The following CHD6 variants were observed in gnomAD, a reference collection of about 807,000 sequenced individuals.
CHD6 encodes chromodomain helicase DNA binding protein 6.
CHD6 carries 50 observed loss-of-function variants against 276.9 expected under a neutral mutation model. The observed-to-expected ratio is 0.18, with a 90% CI of 0.14 to 0.23. CHD6 has a LOEUF of 0.23. Among genes scored for constraint, CHD6 ranks in the 10% least tolerant of loss-of-function variants. The pLI is 1.00. For synonymous variants in CHD6, 1,173 were observed against 1,229.3 expected (o/e 0.95, Z 0.96); for missense variants, 2,564 against 3,365.8 (o/e 0.76, Z 5.89).
At chr20:41,445,031 T>C (rs1321625104) in intron 25 of CHD6, among the ~76,000 whole-genome samples, 1 of 152,218 alleles carries the variant, frequency 6.6e-6, no homozygotes, top group East Asian at 1.9e-4. Context: ...TCATTCATTT[T>C]AATGGCTGGC....
chr20:41,483,926 T>C (rs1021001450), intron 15 of CHD6, among the ~76,000 whole-genome samples: 1 of 152,224 alleles, frequency 6.6e-6, no homozygotes, highest in African/African-American at 2.4e-5. Flanking sequence ...CCCAACATTT[T>C]CTCTAACTAG....
chr20:41,422,868 G>C (rs1284248168), intron 30 of CHD6, among the ~76,000 whole-genome samples: 1 of 152,186 alleles, frequency 6.6e-6, no homozygotes, highest in Non-Finnish European at 1.5e-5. Context: ...GGTATGTCTT[G>C]TGCGTGCTGC....
At chr20:41,579,799 T>A (rs1180490576) in intron 1 of CHD6, among the ~76,000 whole-genome samples, 1 of 152,230 alleles carries the variant, frequency 6.6e-6, no homozygotes, top group Admixed American at 6.5e-5. Context: ...TTTTTAAACA[T>A]GATATATATA....
At position 41,497,440 on chromosome 20, in the gene CHD6, G is replaced by C; in HGVS notation, c.1036C>G (p.Gln346Glu). 6.2e-7 allele frequency: 1 copy of C among 1,613,844 alleles called. No individual in the cohort carries two copies. Among genetic ancestry groups the C allele is most frequent in the Non-Finnish European group, 8.5e-7 (1 of 1,179,844 alleles). ...TTATTCCTAAATCGCTTGATCTTCT[G>C]TGCGATGCGAGGATCCTTTTCGAGC... The part of the protein sequence containing the change: ...EELEKDPRIA[Q>E]KIKRFRNKQA... The change falls in exon 8 of 37, where the codon CAG becomes GAG. Residue 346 changes from glutamine (Q) to glutamate (E), a missense_variant. Around this residue, in one of 7 missense-constraint regions of CHD6, gnomAD observed 457 missense variants for 889.0 expected, o/e 0.51. Coordinates refer to ENST00000373233, the MANE Select transcript of CHD6 (RefSeq NM_032221.5).
intron 1 of CHD6, among the ~76,000 whole-genome samples, chr20:41,592,307 A>G (rs2045671880): frequency 6.6e-6 from 1 of 152,220 alleles, no homozygotes. Flanking sequence ...AAAGTGGGTA[A>G]AGTCAAATCT....
chr20:41,563,938 A>T, intron 1 of CHD6: 1 of 684,374 alleles, frequency 1.5e-6, no homozygotes, highest in South Asian at 1.8e-5. Context: ...TTCAGTTTCA[A>T]GAGGTCTCAC....
At position 41,420,764 on chromosome 20, in the gene CHD6, G is replaced by T. The variant is rs759522852; in HGVS notation, c.5871C>A (p.Ile1957=). ...CTGGGATATAAGCCTTGGGTTTCTC[G>T]ATTTCAAATTCATCATTCTCGAGGC... ...MHGLENDEFE[I]EKPKAYIPDL... is the part of the protein sequence containing the mutation. Residue 1957 remains isoleucine, a synonymous_variant, in exon 31 of 37, where the codon ATC becomes ATA. Coordinates refer to ENST00000373233, the MANE Select transcript of CHD6 (RefSeq NM_032221.5). 6.2e-7 allele frequency: 1 copy of T among 1,614,188 alleles called. No individual in the cohort carries two copies. Among genetic ancestry groups the T allele is most frequent in the Middle Eastern group, 1.6e-4 (1 of 6,062 alleles).
rs900813113 is a variant in CHD6 at position 41,403,978 on chromosome 20, G to A, written c.*615C>T. ...CTGCAGGTGTCTGAAAAACCACCAA[G>A]GGGGAAATTATATTACTACCGGTAA... On this transcript the variant is annotated 3_prime_UTR_variant, in exon 37 of 37. Coordinates refer to ENST00000373233, the MANE Select transcript of CHD6 (RefSeq NM_032221.5). The A allele has an allele frequency of 5.0e-5, 53 of 1,053,920 alleles. No homozygotes were observed. The highest frequency in any genetic ancestry group is 1.7e-4 in the Admixed American group (3 of 18,144). The allele number at this position is 1,053,920 out of a possible 1,614,324, so 65.3% of individuals were successfully genotyped here.
At chr20:41,454,829 A>T in intron 19 of CHD6, 93 bp from the exon 20 acceptor site, 2 of 742,528 alleles carry the variant, frequency 2.7e-6, no homozygotes, top group Non-Finnish European at 4.4e-6. Context: ...TAAGTATATT[A>T]TCTATTTGCA....
chr20:41,482,392 G>C (rs2043315161), intron 16 of CHD6: 3 of 289,090 alleles, frequency 1.0e-5, no homozygotes, highest in Non-Finnish European at 2.1e-5. Flanking sequence ...AATCATTTAT[G>C]TTACATTAAG....
At chr20:41,553,385 T>C (rs911146703) in intron 1 of CHD6, among the ~76,000 whole-genome samples, 1 of 152,266 alleles carries the variant, frequency 6.6e-6, no homozygotes, top group Non-Finnish European at 1.5e-5. Context: ...TGTCAGGCCC[T>C]GTCCTAAGTA....
intron 1 of CHD6, among the ~76,000 whole-genome samples, chr20:41,586,085 G>A (rs1245461622): frequency 6.6e-6 from 1 of 152,212 alleles, no homozygotes; most frequent in Non-Finnish European, 1.5e-5. Flanking sequence ...GAGGGACAAT[G>A]ACTGGGATAT....
intron 17 of CHD6, among the ~76,000 whole-genome samples, chr20:41,460,216 A>G (rs1458254158): frequency 6.6e-6 from 1 of 152,266 alleles, no homozygotes; most frequent in Non-Finnish European, 1.5e-5. Flanking sequence ...TGTTAAAAAC[A>G]TTCAGTTTTA....
In CHD6 at chr20:41,420,676, G is replaced by A. The variant is rs2047157568; in HGVS notation, c.5959C>T (p.Gln1987Ter). The A allele has an allele frequency of 6.2e-7, 1 of 1,614,214 alleles. No homozygotes were observed. Among genetic ancestry groups the A allele is most frequent in the Non-Finnish European group, 8.5e-7 (1 of 1,180,046 alleles). Residue 1987 changes from glutamine to a stop codon, truncating the protein, a stop_gained, in exon 31 of 37, where the codon CAG becomes TAG. Transcript: ENST00000373233. LOFTEE classifies it high-confidence loss of function. The stretch of plus-strand genomic sequence containing the variant: ...AGCTCATGCTTCACTTTAAACGGCT[G>A]TGATGGAATAGCAGTGGGTTCACCC... ...MEGEPTAIPS[Q>*]PFKVKHELLK...
chr20:41,491,522 A>G (rs2043554704), intron 11 of CHD6, among the ~76,000 whole-genome samples, 176 bp downstream of exon 11: 1 of 151,238 alleles, frequency 6.6e-6, no homozygotes, highest in African/African-American at 2.4e-5. Context: ...TTGGTTGGAG[A>G]AACAGCTGAC....
chr20:41,414,761 G>T, intron 34 of CHD6: 1 of 978,926 alleles, frequency 1.0e-6, no homozygotes, highest in Non-Finnish European at 1.3e-6. Flanking sequence ...CACCCAGTAA[G>T]TCAAGCAGAA....
intron 2 of CHD6, among the ~76,000 whole-genome samples, chr20:41,537,052 A>T (rs1476344706): frequency 6.6e-6 from 1 of 152,258 alleles, no homozygotes; most frequent in African/African-American, 2.4e-5. Flanking sequence ...AAGAAAAATT[A>T]AATAAAGTGA....
At chr20:41,520,030 C>T (rs1010125448) in intron 3 of CHD6, among the ~76,000 whole-genome samples, 4 of 152,288 alleles carry the variant, frequency 2.6e-5, no homozygotes, top group Admixed American at 6.5e-5. Context: ...AGACATTTCT[C>T]GAAAGAAGAC....
chr20:41,476,097 T>C (rs1298348029), intron 16 of CHD6, among the ~76,000 whole-genome samples: 1 of 152,008 alleles, frequency 6.6e-6, no homozygotes, highest in Non-Finnish European at 1.5e-5. Context: ...GGCATGAAAT[T>C]AAATGGGAAC....
Sources: gnomAD v4.1 joint callset for allele counts (sites outside exome capture counted in the v4.1 genomes callset) on GRCh38, gnomAD v4.1.1 for gene constraint, gnomAD v4.1.1 regional missense constraint, MANE v1.5 for transcripts, NCBI Gene and HGNC (gene_info 2026-07-23, HGNC 2026-07-21) for gene names.